Variants in UBASH3B observed in about 807,000 individuals in gnomAD.
UBASH3B encodes ubiquitin associated and SH3 domain containing B, also known as ubiquitin-associated and SH3 domain-containing protein B.
Under a neutral mutation model 83.4 loss-of-function variants are expected in UBASH3B, and 37 were observed. The ratio of observed to expected loss-of-function variants is 0.44; its 90% CI spans 0.34 to 0.58. The LOEUF is 0.58. UBASH3B is among the 20% of genes least tolerant of loss of function. UBASH3B has a pLI of 0.01. For missense variants in UBASH3B, 657 were observed against 827.2 expected, an observed-to-expected ratio of 0.79 and a Z score of 2.52; for synonymous variants, 304 against 318.3, an observed-to-expected ratio of 0.96 and a Z score of 0.48.
intron 1 of UBASH3B, chr11:122,776,003 T>A: frequency 2.1e-6 from 1 of 478,318 alleles, no homozygotes. Context: ...TGCATGCAAA[T>A]CTGATGCTAA....
rs75631272 is a variant in UBASH3B at position 122,679,156 on chromosome 11, G to A, written c.161+22946G>A. ...ACTGGAGCTGAGGTTGGGAAGACAG[G>A]GAGTTGGGCAACTGGACATGTTGAG... On this transcript the variant is annotated intron_variant, in intron 1 of 13. Coordinates refer to ENST00000284273, the MANE Select transcript of UBASH3B (RefSeq NM_032873.5). Among the ~76,000 whole-genome samples, 1,727 of 152,268 alleles carry A rather than the reference G, an allele frequency of 0.011. 51 individuals carry two copies. In the East Asian group the frequency reaches 0.13, roughly 12 times the overall value.
At position 122,695,103 on chromosome 11, in the gene UBASH3B, A is replaced by T. The variant is rs376147551; in HGVS notation, c.161+38893A>T. Among the ~76,000 whole-genome samples the T allele has an allele frequency of 5.3e-5, 8 of 150,758 alleles. No individual in the cohort carries two copies. The East Asian group carries it at 1.6e-3, about 30-fold the overall frequency. ...CTCAGCCTCCCTAGTAGCTGGGATT[A>T]CAGGCACCTGCTACCATGCCCGGCT... is the stretch of plus-strand genomic sequence containing the variant. On this transcript the variant is annotated intron_variant, in intron 1 of 13. Coordinates refer to ENST00000284273, the MANE Select transcript of UBASH3B (RefSeq NM_032873.5).
intron 1 of UBASH3B, among the ~76,000 whole-genome samples, chr11:122,682,566 C>G (rs1219074649): frequency 6.6e-6 from 1 of 152,158 alleles, no homozygotes; most frequent in African/African-American, 2.4e-5. Context: ...GTTCCTGGAG[C>G]CTGAGATGCA....
rs563915702 is a variant in UBASH3B at position 122,813,098 on chromosome 11, CAAAAAAT to C, written c.*3228_*3234del. 5.7e-4 allele frequency: 86 copies of C among 152,210 alleles called. No homozygotes were observed. The highest frequency in any genetic ancestry group is 1.5e-3 in the African/African-American group (61 of 41,432). The allele number at this position is 152,210 out of a possible 1,614,324, so 9.4% of individuals were successfully genotyped here. On this transcript the variant is annotated 3_prime_UTR_variant, in exon 14 of 14. Transcript: ENST00000284273. ...ACCTTATATTTAAAAGATGATTTTG[CAAAAAAT>C]AAAAAATAAAAAATATGCCTTCTGG...
intron 1 of UBASH3B, among the ~76,000 whole-genome samples, chr11:122,769,788 G>T (rs1860610994): frequency 6.6e-6 from 1 of 152,176 alleles, no homozygotes; most frequent in Non-Finnish European, 1.5e-5. Flanking sequence ...AAGAGGAGTT[G>T]GGTTCTACCT....
At chr11:122,809,578 T>C (rs992929327) in intron 13 of UBASH3B, among the ~76,000 whole-genome samples, 171 bp from the exon 14 acceptor site, 3 of 152,236 alleles carry the variant, frequency 2.0e-5, no homozygotes, top group Non-Finnish European at 2.9e-5. Context: ...TTACCAGTTT[T>C]ACCCATTTTA....
chr11:122,696,236 T>C (rs1863963156), intron 1 of UBASH3B, among the ~76,000 whole-genome samples: 1 of 151,854 alleles, frequency 6.6e-6, no homozygotes, highest in African/African-American at 2.4e-5. Context: ...AGGCATGAGC[T>C]ACTGCGCCCG....
chr11:122,747,093 G>A (rs1224786300), intron 1 of UBASH3B, among the ~76,000 whole-genome samples: 1 of 152,218 alleles, frequency 6.6e-6, no homozygotes, highest in East Asian at 1.9e-4. Context: ...TCACCGGAGA[G>A]GCAGCTGGGC....
Position 122,702,528 on chromosome 11 carries a change from GT to G in UBASH3B, c.161+46331del, listed in dbSNP as rs888469312. 3.7e-3 allele frequency among the ~76,000 whole-genome samples: 534 copies of G among 143,886 alleles called. 1 individual carries two copies. Among genetic ancestry groups the G allele is most frequent in the African/African-American group, 0.012 (462 of 39,474 alleles). 94.4% of individuals were successfully genotyped at this position (143,886 alleles called of 152,430 possible). A position where few individuals can be genotyped will look rare whatever the true frequency, so the allele number is the denominator to read the frequency against. ...AAGCAGTAGGAAAAAAAATCACCAGGTTTTTTTTTTTTTCAGATGGAATTTT... is the reference window on the plus strand; with the variant it reads ...AAGCAGTAGGAAAAAAAATCACCAGGTTTTTTTTTTTTCAGATGGAATTTT... On this transcript the variant is annotated intron_variant, in intron 1 of 13. Coordinates refer to ENST00000284273, the MANE Select transcript of UBASH3B (RefSeq NM_032873.5).
At chr11:122,691,936 G>C (rs2135920360) in intron 1 of UBASH3B, among the ~76,000 whole-genome samples, 1 of 152,250 alleles carries the variant, frequency 6.6e-6, no homozygotes, top group Admixed American at 6.5e-5. Context: ...CCCAGGATCT[G>C]GCTTCTGATC....
At chr11:122,662,680 C>G (rs1436145197) in intron 1 of UBASH3B, among the ~76,000 whole-genome samples, 1 of 152,138 alleles carries the variant, frequency 6.6e-6, no homozygotes, top group Non-Finnish European at 1.5e-5. Context: ...ATCCGCCCGC[C>G]TCGGCCTCCC....
intron 1 of UBASH3B, among the ~76,000 whole-genome samples, chr11:122,751,149 G>A (rs1470420639): frequency 1.3e-5 from 2 of 152,146 alleles, no homozygotes. Context: ...TTATTGCAGT[G>A]CTTTGGCCAA....
At chr11:122,766,548 C>G (rs964948784) in intron 1 of UBASH3B, among the ~76,000 whole-genome samples, 1 of 149,840 alleles carries the variant, frequency 6.7e-6, no homozygotes, top group African/African-American at 2.5e-5. Flanking sequence ...GACTCCGTCT[C>G]AAAAAATAAT....
In UBASH3B at chr11:122,809,922, AGT is replaced by A; in HGVS notation, c.*41_*42del. Reference sequence around the variant, plus strand: ...TGAACAAGAAGGAAAGGCCTTTTGGAGTGTGTCTTTCTGTGTGTTTAAAAACA... The same window carrying A: ...TGAACAAGAAGGAAAGGCCTTTTGGAGTGTCTTTCTGTGTGTTTAAAAACA... On this transcript the variant is annotated 3_prime_UTR_variant, in exon 14 of 14. Coordinates refer to ENST00000284273, the MANE Select transcript of UBASH3B (RefSeq NM_032873.5). 6.2e-7 allele frequency: 1 copy of A among 1,609,600 alleles called. No homozygotes were observed. Among genetic ancestry groups the A allele is most frequent in the Non-Finnish European group, 8.5e-7 (1 of 1,178,522 alleles).
chr11:122,774,282 T>G, intron 1 of UBASH3B: 5 of 985,508 alleles, frequency 5.1e-6, no homozygotes, highest in Non-Finnish European at 6.0e-6. Flanking sequence ...GCTTGCCTTT[T>G]ACAGTGCTGT....
chr11:122,797,016 T>A lies in UBASH3B; in HGVS notation c.1340T>A (p.Met447Lys), dbSNP rs747308994. The change falls in exon 9 of 14, where the codon ATG becomes AAG. Residue 447 changes from methionine (M) to lysine (K), a missense_variant. Met to Lys is a moderately conservative substitution (Grantham distance 95). Around this residue, in one of 3 missense-constraint regions of UBASH3B, gnomAD observed 573 missense variants for 739.0 expected, o/e 0.78. Coordinates refer to ENST00000284273, the MANE Select transcript of UBASH3B (RefSeq NM_032873.5). ...GCTCCCATCACTGTGTTTGGATGCA[T>A]GCAAGCAAGACTAGTGGGTAAGTAT... Reference protein sequence around the residue: ...KDAPITVFGCMQARLVGEALL... With the variant: ...KDAPITVFGCKQARLVGEALL... 2.5e-6 allele frequency: 4 copies of A among 1,612,128 alleles called. No individual in the cohort carries two copies. In the South Asian group the frequency reaches 3.3e-5, roughly 13 times the overall value.
At chr11:122,694,954 CTTTTT>C (rs71054088) in intron 1 of UBASH3B, among the ~76,000 whole-genome samples, 3 of 50,414 alleles carry the variant, frequency 6.0e-5, no homozygotes, top group Non-Finnish European at 7.1e-5. Context: ...TCTTTTCTTT[CTTTTT>C]TTTTTTTTTT....
chr11:122,715,072 C>A (rs960300896), intron 1 of UBASH3B, among the ~76,000 whole-genome samples: 1 of 152,086 alleles, frequency 6.6e-6, no homozygotes, highest in African/African-American at 2.4e-5. Flanking sequence ...CAGCCTCCCG[C>A]GTAGCTGGGA....
intron 1 of UBASH3B, among the ~76,000 whole-genome samples, chr11:122,761,151 A>G (rs920885881): frequency 6.6e-6 from 1 of 152,136 alleles, no homozygotes; most frequent in Non-Finnish European, 1.5e-5. Context: ...GTTTCTCTTA[A>G]GTGGCATCTC....
Sources: gnomAD v4.1 joint callset for allele counts (sites outside exome capture counted in the v4.1 genomes callset) on GRCh38, gnomAD v4.1.1 for gene constraint, gnomAD v4.1.1 regional missense constraint, MANE v1.5 for transcripts, NCBI Gene and HGNC (gene_info 2026-07-23, HGNC 2026-07-21) for gene names.